HIVEP2: variants seen among roughly 807,000 people sequenced by gnomAD.
HIVEP2 encodes the protein transcription factor HIVEP2.
Under a neutral mutation model 180.7 loss-of-function variants are expected in HIVEP2, and 14 were observed. The observed-to-expected ratio is 0.08, with a 90% confidence interval of 0.05 to 0.12. The LOEUF is 0.12. Ranked by LOEUF, HIVEP2 falls within the 10% of genes least tolerant of loss-of-function variation. The pLI, the probability that HIVEP2 is intolerant of heterozygous loss-of-function variation, is 1.00. For missense variants in HIVEP2, 2,579 were observed against 3,008.5 expected, an observed-to-expected ratio of 0.86 and a Z score of 3.34; for synonymous variants, 1,184 against 1,136.4, an observed-to-expected ratio of 1.04 and a Z score of -0.84.
chr6:142,759,339 AG>A (rs1170427620), intron 9 of HIVEP2, among the ~76,000 whole-genome samples: 1 of 152,136 alleles, frequency 6.6e-6, no homozygotes, highest in Non-Finnish European at 1.5e-5. Flanking sequence ...TAAAAATAAA[AG>A]TTTTGGAAAG....
chr6:142,853,096 T>C (rs1048613748), intron 1 of HIVEP2, among the ~76,000 whole-genome samples: 2 of 152,248 alleles, frequency 1.3e-5, no homozygotes, highest in Non-Finnish European at 2.9e-5. Context: ...GCTAGATCCA[T>C]AGATTAAGGT....
Position 142,761,536 on chromosome 6 carries a change from C to T in HIVEP2, c.5548G>A (p.Ala1850Thr). The T allele has an allele frequency of 6.2e-7, 1 of 1,605,476 alleles. No individual in the cohort carries two copies. Among genetic ancestry groups the T allele is most frequent in the Non-Finnish European group, 8.5e-7 (1 of 1,172,864 alleles). ...GNLTKHMKSKAHMKKCLELGV... is the reference protein window; with the variant it reads ...GNLTKHMKSKTHMKKCLELGV... ...AATTCCAGGCATTTTTTCATGTGTG[C>T]TTTAGATTTCATATGCTTCGTTAGG... The change falls in exon 8 of 10, where the codon GCA becomes ACA. Residue 1850 changes from alanine (A) to threonine (T), a missense_variant. Ala to Thr is a moderately conservative substitution (Grantham distance 58). Transcript: ENST00000367603.
intron 1 of HIVEP2, among the ~76,000 whole-genome samples, chr6:142,899,745 C>A (rs1777085324): frequency 1.3e-5 from 2 of 152,170 alleles, no homozygotes; most frequent in Admixed American, 6.5e-5. Context: ...AACATAGCAT[C>A]CTCCTCTCCC....
In HIVEP2 at chr6:142,772,487, G is replaced by C. The variant is rs1775574755; in HGVS notation, c.2252C>G (p.Ser751Cys). 6.2e-7 allele frequency: 1 copy of C among 1,613,980 alleles called. No homozygotes were observed. The highest frequency in any genetic ancestry group is 1.3e-5 in the African/African-American group (1 of 74,934). Residue 751 changes from serine to cysteine, a missense_variant, in exon 5 of 10, where the codon TCT (serine) becomes TGT (cysteine). Ser to Cys is a moderately radical substitution (Grantham distance 112, BLOSUM62 -1). This residue lies in a region of HIVEP2 where 524 missense variants were observed against 563.6 expected (regional missense o/e 0.93). Coordinates refer to ENST00000367603, the MANE Select transcript of HIVEP2 (RefSeq NM_006734.4). This position sits in a 1 kb window ranked among gnomAD's most constrained non-coding sequence, Gnocchi z 4.9. The part of the protein sequence containing the change: ...GFAMAGHENL[S>C]HGHTERFDPC... ...GTCAAAGCGTTCCGTGTGACCATGA[G>C]AAAGGTTTTCGTGTCCAGCCATGGC...
Position 142,771,041 on chromosome 6 carries a change from G to A in HIVEP2, c.3698C>T (p.Pro1233Leu), listed in dbSNP as rs777099653. 3 of 1,614,192 alleles carry A rather than the reference G, an allele frequency of 1.9e-6. No individual in the cohort carries two copies. In the East Asian group the frequency reaches 6.7e-5, roughly 36 times the overall value. ...GCTCTTCTGAGGGTGCTGAGCAAAG[G>A]GATGTGGGAAATGTGCCTGCCACCA... is the stretch of plus-strand genomic sequence containing the variant. ...PPWWQAHFPH[P>L]FAQHPQKSYG... The change falls in exon 5 of 10, where the codon CCC (proline) becomes CTC (leucine). Residue 1233 changes from proline (P) to leucine (L), a missense_variant. By Grantham distance (98) the Pro-to-Leu change is moderately conservative (BLOSUM62 -3). This residue lies in a region of HIVEP2 where 523 missense variants were observed against 577.0 expected (regional missense o/e 0.91). Coordinates refer to ENST00000367603, the MANE Select transcript of HIVEP2 (RefSeq NM_006734.4). This position sits in a 1 kb window ranked among gnomAD's most constrained non-coding sequence, Gnocchi z 5.4.
At chr6:142,776,006 A>G (rs1253337555) in intron 4 of HIVEP2, 141 bp downstream of exon 4, 2 of 152,236 alleles carry the variant, frequency 1.3e-5, no homozygotes, top group South Asian at 2.1e-4. Context: ...GATTAATAAA[A>G]TGACATCAAG....
intron 1 of HIVEP2, among the ~76,000 whole-genome samples, chr6:142,887,613 ACT>A (rs1776735018): frequency 6.6e-6 from 1 of 152,212 alleles, no homozygotes; most frequent in East Asian, 1.9e-4. Flanking sequence ...TTCCATCAGC[ACT>A]CTTAGTTTTA....
intron 2 of HIVEP2, among the ~76,000 whole-genome samples, chr6:142,793,609 C>T (rs1204461498): frequency 7.1e-6 from 1 of 140,732 alleles, no homozygotes; most frequent in Admixed American, 7.4e-5. Context: ...CCTCCCACCT[C>T]CCATCCTTCC....
chr6:142,755,240 T>C (rs1160252486), intron 9 of HIVEP2, among the ~76,000 whole-genome samples: 5 of 152,168 alleles, frequency 3.3e-5, no homozygotes, highest in Admixed American at 3.3e-4. Flanking sequence ...AAAGTGTGAG[T>C]GAAACGGTGC....
chr6:142,830,936 T>G (rs1341659904), intron 2 of HIVEP2, among the ~76,000 whole-genome samples: 1 of 152,120 alleles, frequency 6.6e-6, no homozygotes, highest in Non-Finnish European at 1.5e-5. Flanking sequence ...ATACAGCCAG[T>G]GCCTGTCAAT....
chr6:142,769,245 G>A (rs923679253), intron 5 of HIVEP2, among the ~76,000 whole-genome samples: 1 of 152,106 alleles, frequency 6.6e-6, no homozygotes, highest in Non-Finnish European at 1.5e-5. Flanking sequence ...CACTCACAAA[G>A]GTCAGAAGGA....
chr6:142,780,265 G>A (rs1339759545), intron 3 of HIVEP2, among the ~76,000 whole-genome samples: 1 of 152,170 alleles, frequency 6.6e-6, no homozygotes, highest in Non-Finnish European at 1.5e-5. Flanking sequence ...TGGGTTGTGC[G>A]GGAAGAGCTT....
intron 1 of HIVEP2, among the ~76,000 whole-genome samples, chr6:142,934,989 G>A (rs1778019426): frequency 6.6e-6 from 1 of 152,140 alleles, no homozygotes; most frequent in South Asian, 2.1e-4. Flanking sequence ...CCTTCTTAGA[G>A]CACCCTGAAC....
intron 1 of HIVEP2, among the ~76,000 whole-genome samples, chr6:142,893,367 A>C (rs990776392): frequency 1.3e-5 from 2 of 152,206 alleles, no homozygotes; most frequent in Admixed American, 6.6e-5. Flanking sequence ...TAGTATTCCT[A>C]ATGCGGCAAG....
At chr6:142,859,366 TGG>T (rs1405037649) in intron 1 of HIVEP2, among the ~76,000 whole-genome samples, 1 of 149,834 alleles carries the variant, frequency 6.7e-6, no homozygotes, top group Non-Finnish European at 1.5e-5. Flanking sequence ...GAGGCTGAGA[TGG>T]GAGGATCACT....
chr6:142,756,834 TATCTATCC>T (rs1775086839), intron 9 of HIVEP2, among the ~76,000 whole-genome samples: 1 of 144,348 alleles, frequency 6.9e-6, no homozygotes, highest in Non-Finnish European at 1.5e-5. Context: ...TCTATCTATC[TATCTATCC>T]GTCCATCCAT....
intron 1 of HIVEP2, among the ~76,000 whole-genome samples, chr6:142,879,290 C>A (rs190561376): frequency 6.6e-6 from 1 of 152,244 alleles, no homozygotes. Context: ...TCAGGAGCAC[C>A]AGCTAAGAGG....
At chr6:142,757,282 C>A (rs1373132514) in intron 9 of HIVEP2, among the ~76,000 whole-genome samples, 1 of 152,194 alleles carries the variant, frequency 6.6e-6, no homozygotes, top group Non-Finnish European at 1.5e-5. Context: ...AACAATGCAG[C>A]AGGCTATACA....
At chr6:142,857,382 C>T (rs983597680) in intron 1 of HIVEP2, among the ~76,000 whole-genome samples, 1 of 152,178 alleles carries the variant, frequency 6.6e-6, no homozygotes, top group African/African-American at 2.4e-5. Flanking sequence ...GCCAAATGCT[C>T]TTATTTTGTA....
Sources: gnomAD v4.1 joint callset for allele counts (sites outside exome capture counted in the v4.1 genomes callset) on GRCh38, gnomAD v4.1.1 for gene constraint, gnomAD v4.1.1 regional missense constraint, Gnocchi (gnomAD v3.1) non-coding constraint, MANE v1.5 for transcripts, NCBI Gene and HGNC (gene_info 2026-07-23, HGNC 2026-07-21) for gene names.